The following SPATS2 variants were observed in gnomAD, a reference collection of about 807,000 sequenced individuals.
SPATS2 encodes spermatogenesis associated serine rich 2.
Under a neutral mutation model 63.7 loss-of-function variants are expected in SPATS2, and 38 were observed. The observed-to-expected ratio is 0.60, with a 90% confidence interval of 0.46 to 0.78. SPATS2 has a LOEUF of 0.78. Ranked by LOEUF, SPATS2 falls within the 30% of genes least tolerant of loss-of-function variation. The pLI is 0.00. For missense variants in SPATS2, 588 were observed against 666.2 expected (o/e 0.88, Z 1.29); for synonymous variants, 207 against 232.9 (o/e 0.89, Z 1.01).
chr12:49,382,112 A>G (rs554343593), intron 2 of SPATS2, among the ~76,000 whole-genome samples: 30 of 152,290 alleles, frequency 2.0e-4, no homozygotes, highest in South Asian at 1.2e-3. Flanking sequence ...CTCTGTGCCT[A>G]TACCTATTTT....
intron 2 of SPATS2, among the ~76,000 whole-genome samples, chr12:49,454,019 T>C (rs534387710): frequency 6.6e-6 from 1 of 152,040 alleles, no homozygotes; most frequent in African/African-American, 2.4e-5. Flanking sequence ...CCCGCCACCA[T>C]GCCCAACTAA....
chr12:49,522,551 A>G (rs1216005955), intron 11 of SPATS2, among the ~76,000 whole-genome samples, 200 bp from the exon 12 acceptor site: 8 of 152,236 alleles, frequency 5.3e-5, no homozygotes, highest in Admixed American at 3.3e-4. Context: ...CATTTCATAA[A>G]CTTACAAACT....
chr12:49,444,426 C>G (rs1945476678), intron 2 of SPATS2, among the ~76,000 whole-genome samples: 1 of 151,848 alleles, frequency 6.6e-6, no homozygotes, highest in Non-Finnish European at 1.5e-5. Context: ...GCTTTTTTCC[C>G]CAGGGTGGTC....
intron 9 of SPATS2, among the ~76,000 whole-genome samples, chr12:49,506,780 C>T (rs533634839): frequency 1.5e-4 from 23 of 151,970 alleles, no homozygotes; most frequent in South Asian, 6.2e-4. Context: ...CTGCAGTGGG[C>T]CATGATCTTG....
chr12:49,456,789 A>G (rs1945726761), intron 2 of SPATS2, among the ~76,000 whole-genome samples: 1 of 152,156 alleles, frequency 6.6e-6, no homozygotes, highest in South Asian at 2.1e-4. Context: ...TTTCCTGTTT[A>G]TTGTCTGCAA....
At chr12:49,497,362 A>G (rs954038883) in intron 8 of SPATS2, among the ~76,000 whole-genome samples, 1 of 150,558 alleles carries the variant, frequency 6.6e-6, no homozygotes. Context: ...TTGACCCAAC[A>G]AGTAAAAGCT....
intron 2 of SPATS2, among the ~76,000 whole-genome samples, chr12:49,381,762 C>T (rs1944226938): frequency 6.6e-6 from 1 of 152,084 alleles, no homozygotes; most frequent in Admixed American, 6.5e-5. Flanking sequence ...CTTATTGCAT[C>T]TTGGTTTTAT....
At chr12:49,410,764 T>C (rs1236160106) in intron 2 of SPATS2, among the ~76,000 whole-genome samples, 1 of 152,156 alleles carries the variant, frequency 6.6e-6, no homozygotes, top group Non-Finnish European at 1.5e-5. Context: ...CCATATCTCT[T>C]TGATGTAGAG....
intron 2 of SPATS2, among the ~76,000 whole-genome samples, chr12:49,437,558 C>G (rs374187722): frequency 6.6e-6 from 1 of 151,678 alleles, no homozygotes; most frequent in African/African-American, 2.4e-5. Context: ...TGAGTGAACG[C>G]GACTCCGTCT....
chr12:49,470,305 T>TA (rs1470739943), intron 3 of SPATS2, among the ~76,000 whole-genome samples: 11 of 152,188 alleles, frequency 7.2e-5, no homozygotes, highest in Admixed American at 7.2e-4. Flanking sequence ...GTGCTGGAAT[T>TA]ACAGGCATGA....
rs529791925 is a variant in SPATS2 at position 49,379,623 on chromosome 12, ATTTT to A, written c.-244+8348_-244+8351del. ...ACAACCATCACCTCTATCTAGTTCAATTTTTTTTTTTTTTTTTTGGACGGAGTCT... is the reference window on the plus strand; with the variant it reads ...ACAACCATCACCTCTATCTAGTTCAATTTTTTTTTTTTTTGGACGGAGTCT... On this transcript the variant is annotated intron_variant, in intron 2 of 13. Coordinates refer to ENST00000552918, the MANE Select transcript of SPATS2 (RefSeq NM_023071.4). Among the ~76,000 whole-genome samples the A allele has an allele frequency of 1.6e-3, 206 of 129,504 alleles. 1 individual carries two copies. The highest frequency in any genetic ancestry group is 5.6e-3 in the African/African-American group (191 of 34,382). The allele number at this position is 129,504 out of a possible 152,430, so 85.0% of individuals were successfully genotyped here.
intron 3 of SPATS2, chr12:49,462,447 C>T (rs960633754): frequency 1.6e-5 from 11 of 702,064 alleles, no homozygotes; most frequent in Middle Eastern, 2.4e-4. Context: ...GCTCTTCTGG[C>T]TCTGCCATTT....
chr12:49,507,686 G>T (rs74856829), intron 9 of SPATS2, among the ~76,000 whole-genome samples: 2,121 of 152,152 alleles, frequency 0.014, 47 homozygotes, highest in African/African-American at 0.047. Context: ...AGTTGTAATC[G>T]CAGTGAGAGT....
intron 2 of SPATS2, among the ~76,000 whole-genome samples, chr12:49,378,447 G>A (rs908469405): frequency 1.1e-4 from 17 of 151,892 alleles, no homozygotes; most frequent in South Asian, 1.0e-3. Context: ...ACAGGCGCAT[G>A]CCTCCACGCC....
chr12:49,448,980 CT>C (rs1413377996), intron 2 of SPATS2, among the ~76,000 whole-genome samples: 2 of 152,136 alleles, frequency 1.3e-5, no homozygotes, highest in African/African-American at 2.4e-5. Flanking sequence ...CGTTTTGGTG[CT>C]GAAGCCTCCA....
In SPATS2 at chr12:49,500,106, G is replaced by A. The variant is rs758407789; in HGVS notation, c.740G>A (p.Arg247His). ...GAAAAATCTGTAAAAGACCTCCAGC[G>A]CTGCACAGTGTCTCTTGCACGGTAT... Reference protein sequence around the residue: ...NIEKSVKDLQRCTVSLARYRV... With the variant: ...NIEKSVKDLQHCTVSLARYRV... The change falls in exon 9 of 14, where the codon CGC (arginine) becomes CAC (histidine). Residue 247 changes from arginine to histidine, a missense_variant. Arg to His is a conservative substitution (Grantham distance 29). Transcript: ENST00000552918. 18 of 1,597,668 alleles carry A rather than the reference G, an allele frequency of 1.1e-5. No homozygotes were observed. The highest frequency in any genetic ancestry group is 2.7e-5 in the African/African-American group (2 of 73,366).
intron 11 of SPATS2, among the ~76,000 whole-genome samples, chr12:49,521,841 T>C (rs1034824661): frequency 1.8e-4 from 28 of 152,214 alleles, no homozygotes; most frequent in Non-Finnish European, 1.3e-4. Context: ...TCTGAAACTT[T>C]AGGAATTCAA....
intron 9 of SPATS2, among the ~76,000 whole-genome samples, chr12:49,510,062 G>C (rs1312881358): frequency 6.6e-6 from 1 of 151,454 alleles, no homozygotes; most frequent in East Asian, 1.9e-4. Flanking sequence ...CTCAAGACCA[G>C]CCTGGACAAC....
chr12:49,428,571 T>C (rs1248511647), intron 2 of SPATS2, among the ~76,000 whole-genome samples: 1 of 152,236 alleles, frequency 6.6e-6, no homozygotes, highest in Non-Finnish European at 1.5e-5. Flanking sequence ...CATAATATCC[T>C]CAAGGTTCAT....
Sources: gnomAD v4.1 joint callset for allele counts (sites outside exome capture counted in the v4.1 genomes callset) on GRCh38, gnomAD v4.1.1 for gene constraint, MANE v1.5 for transcripts, NCBI Gene and HGNC (gene_info 2026-07-23, HGNC 2026-07-21) for gene names.